The following MYLK variants were observed in gnomAD, a reference collection of about 807,000 sequenced individuals.
MYLK encodes myosin light chain kinase, also known as myosin light chain kinase, smooth muscle.
A neutral mutation model predicts 203.4 loss-of-function variants in MYLK; 106 were observed. The ratio of observed to expected loss-of-function variants is 0.52; its 90% CI spans 0.45 to 0.61. The LOEUF (loss-of-function observed/expected upper bound fraction) is 0.61, where lower values mean the gene tolerates loss of function less well. Ranked by LOEUF, MYLK falls within the 20% of genes least tolerant of loss-of-function variation. The pLI, the probability that MYLK is intolerant of heterozygous loss-of-function variation, is 0.00. For missense variants in MYLK, 2,072 were observed against 2,442.3 expected (o/e 0.85, Z 3.20); for synonymous variants, 867 against 959.5 (o/e 0.90, Z 1.78).
In MYLK at chr3:123,640,185, G is replaced by T; in HGVS notation, c.4837+102C>A. Reference sequence around the variant, plus strand: ...AACCTGGGAAGTCTTCATGGTCTCGGATTTAACCCCAATACTGTATGTTTC... The same window carrying T: ...AACCTGGGAAGTCTTCATGGTCTCGTATTTAACCCCAATACTGTATGTTTC... On this transcript the variant is annotated intron_variant, in intron 28 of 33. Transcript: ENST00000360304. This position sits in a 1 kb window ranked among gnomAD's most constrained non-coding sequence, Gnocchi z 4.3. 8.7e-7 allele frequency: 1 copy of T among 1,148,684 alleles called. No homozygotes were observed. The highest frequency in any genetic ancestry group is 1.3e-6 in the Non-Finnish European group (1 of 768,432). The allele number at this position is 1,148,684 out of a possible 1,614,324, so 71.2% of individuals were successfully genotyped here. A position where few individuals can be genotyped will look rare whatever the true frequency, so the allele number is the denominator to read the frequency against.
At chr3:123,614,831 G>C (rs1366128127) in intron 33 of MYLK, among the ~76,000 whole-genome samples, 1 of 151,636 alleles carries the variant, frequency 6.6e-6, no homozygotes, top group African/African-American at 2.4e-5. Context: ...TAGGGGGGCA[G>C]GGTCTCATTC....
At chr3:123,845,273 A>T (rs1415765244) in intron 2 of MYLK, among the ~76,000 whole-genome samples, 2 of 152,154 alleles carry the variant, frequency 1.3e-5, no homozygotes, top group African/African-American at 2.4e-5. Context: ...GACCCATGAA[A>T]TTGGAATAAA....
chr3:123,825,489 C>T (rs2066085111), intron 3 of MYLK, among the ~76,000 whole-genome samples: 1 of 152,222 alleles, frequency 6.6e-6, no homozygotes, highest in Non-Finnish European at 1.5e-5. Context: ...AGGAGAATCC[C>T]ACAGTCCTTA....
intron 8 of MYLK, among the ~76,000 whole-genome samples, chr3:123,736,955 G>A (rs1460261586): frequency 5.3e-5 from 8 of 152,104 alleles, no homozygotes; most frequent in Non-Finnish European, 1.0e-4. Flanking sequence ...CCTTGTGGCC[G>A]GGCGTGGTGG....
intron 5 of MYLK, among the ~76,000 whole-genome samples, chr3:123,748,259 T>A (rs2063080983): frequency 6.6e-6 from 1 of 152,166 alleles, no homozygotes; most frequent in African/African-American, 2.4e-5. Context: ...AATTCACACA[T>A]CACCAAGGGG....
At chr3:123,862,474 C>A (rs1218858001) in intron 2 of MYLK, among the ~76,000 whole-genome samples, 1 of 152,122 alleles carries the variant, frequency 6.6e-6, no homozygotes, top group East Asian at 1.9e-4. Context: ...AAGTAACTTG[C>A]CTGAGATCAC....
chr3:123,786,970 C>T (rs755392002), intron 4 of MYLK, among the ~76,000 whole-genome samples: 6 of 152,254 alleles, frequency 3.9e-5, no homozygotes, highest in Middle Eastern at 3.4e-3. Flanking sequence ...TAACTTTTAA[C>T]TTTGTCTGAA....
chr3:123,683,823 C>T lies in MYLK; in HGVS notation c.3566-1513G>A, dbSNP rs747901118. ...GTATGTGACGGGGTGTTGGGGGGAG[C>T]AGACAGCCAAAGCAACCCTTTCAAG... On this transcript the variant is annotated intron_variant, in intron 19 of 33. Coordinates refer to ENST00000360304, the MANE Select transcript of MYLK (RefSeq NM_053025.4). Among the ~76,000 whole-genome samples, 7 of 152,302 alleles carry T rather than the reference C, an allele frequency of 4.6e-5. No individual in the cohort carries two copies. The Middle Eastern group carries it at 0.017, about 370-fold the overall frequency.
chr3:123,778,221 T>C (rs965045616), intron 4 of MYLK, among the ~76,000 whole-genome samples: 1 of 152,194 alleles, frequency 6.6e-6, no homozygotes, highest in Non-Finnish European at 1.5e-5. Context: ...CACACAGATA[T>C]ACTCCAGTAC....
intron 4 of MYLK, among the ~76,000 whole-genome samples, chr3:123,765,557 A>T (rs1034618723): frequency 6.6e-6 from 1 of 152,040 alleles, no homozygotes; most frequent in African/African-American, 2.4e-5. Context: ...AGGAAAAAAA[A>T]CAAAAGAAAA....
At position 123,610,077 on chromosome 3, in the gene MYLK, C is replaced by G. The variant is rs1347128756; in HGVS notation, c.*4028G>C. 6.6e-6 allele frequency: 1 copy of G among 152,170 alleles called. No individual in the cohort carries two copies. The highest frequency in any genetic ancestry group is 1.5e-5 in the Non-Finnish European group (1 of 68,032). 9.4% of individuals were successfully genotyped at this position (152,170 alleles called of 1,614,324 possible). ...AGTATCGAGACTATATTATCCAATACAATTGATGAAACTATAGACCATACT... is the reference window on the plus strand; with the variant it reads ...AGTATCGAGACTATATTATCCAATAGAATTGATGAAACTATAGACCATACT... On this transcript the variant is annotated 3_prime_UTR_variant, in exon 34 of 34. Coordinates refer to ENST00000360304, the MANE Select transcript of MYLK (RefSeq NM_053025.4).
At chr3:123,624,650 T>C (rs2058047643) in intron 31 of MYLK, 1 of 152,242 alleles carries the variant, frequency 6.6e-6, no homozygotes, top group South Asian at 2.1e-4. Context: ...TTTGACTTTG[T>C]AGATCCTCCC....
At chr3:123,762,664 G>A (rs894861997) in intron 4 of MYLK, among the ~76,000 whole-genome samples, 5 of 152,202 alleles carry the variant, frequency 3.3e-5, no homozygotes, top group African/African-American at 1.2e-4. Context: ...TGGCTCACGA[G>A]GGCAGAGCCT....
At chr3:123,851,221 A>G (rs2030759549) in intron 2 of MYLK, among the ~76,000 whole-genome samples, 1 of 152,072 alleles carries the variant, frequency 6.6e-6, no homozygotes, top group African/African-American at 2.4e-5. Flanking sequence ...TTGTCTTGGC[A>G]ATGTGGGCTC....
At chr3:123,694,424 T>C (rs1457269016) in intron 18 of MYLK, among the ~76,000 whole-genome samples, 2 of 152,052 alleles carry the variant, frequency 1.3e-5, no homozygotes, top group Non-Finnish European at 1.5e-5. Context: ...AGGATAACCA[T>C]GTCCTGGAGA....
chr3:123,800,596 G>A (rs575498298), intron 3 of MYLK, among the ~76,000 whole-genome samples: 2 of 152,192 alleles, frequency 1.3e-5, no homozygotes, highest in East Asian at 3.9e-4. Flanking sequence ...ATGATCCTTG[G>A]AGCACTCCTC....
chr3:123,620,414 A>G, intron 31 of MYLK, 78 bp from the exon 32 acceptor site: 1 of 1,607,108 alleles, frequency 6.2e-7, no homozygotes, highest in Non-Finnish European at 8.5e-7. Context: ...TGCAGGGAGT[A>G]GAGCCCAGCC....
At chr3:123,804,996 G>C (rs187536261) in intron 3 of MYLK, among the ~76,000 whole-genome samples, 168 of 152,258 alleles carry the variant, frequency 1.1e-3, no homozygotes, top group African/African-American at 3.0e-3. Context: ...ATGGTTGCCA[G>C]TAGGATCCCA....
At chr3:123,681,828 A>G (rs2060275261) in intron 20 of MYLK, 1 of 277,874 alleles carries the variant, frequency 3.6e-6, no homozygotes, top group East Asian at 8.2e-5. Context: ...TATTTCAACC[A>G]GGAGTGATGA....
Sources: gnomAD v4.1 joint callset for allele counts (sites outside exome capture counted in the v4.1 genomes callset) on GRCh38, gnomAD v4.1.1 for gene constraint, Gnocchi (gnomAD v3.1) non-coding constraint, MANE v1.5 for transcripts, NCBI Gene and HGNC (gene_info 2026-07-23, HGNC 2026-07-21) for gene names.